UHRF2: variants seen among roughly 807,000 people sequenced by gnomAD.
UHRF2 encodes the protein ubiquitin like with PHD and ring finger domains 2.
Under a neutral mutation model 96.8 loss-of-function variants are expected in UHRF2, and 23 were observed. The ratio of observed to expected loss-of-function variants is 0.24; its 90% CI spans 0.17 to 0.34. The LOEUF is 0.34. Ranked by LOEUF, UHRF2 falls within the 10% of genes least tolerant of loss-of-function variation. The pLI is 1.00. For missense variants in UHRF2, 685 were observed against 981.5 expected, an observed-to-expected ratio of 0.70 and a Z score of 4.04; for synonymous variants, 385 against 332.6, an observed-to-expected ratio of 1.16 and a Z score of -1.72.
intron 8 of UHRF2, among the ~76,000 whole-genome samples, chr9:6,485,847 G>A (rs1480493281): frequency 2.2e-5 from 3 of 136,974 alleles, no homozygotes; most frequent in Non-Finnish European, 3.1e-5. Context: ...AAAACCAATT[G>A]TATGACCAAC....
intron 14 of UHRF2, 187 bp from the exon 15 acceptor site, chr9:6,504,406 T>C (rs556788931): frequency 3.4e-4 from 138 of 403,778 alleles, no homozygotes; most frequent in Non-Finnish European, 5.4e-4. Flanking sequence ...ACATGTGAAA[T>C]TTTGATATGT....
chr9:6,487,512 A>G (rs923435245), intron 9 of UHRF2, among the ~76,000 whole-genome samples: 1 of 152,114 alleles, frequency 6.6e-6, no homozygotes, highest in Non-Finnish European at 1.5e-5. Context: ...GATTACAAGT[A>G]TGCACCACTG....
At chr9:6,453,099 A>C (rs748386201) in intron 3 of UHRF2, among the ~76,000 whole-genome samples, 2 of 152,176 alleles carry the variant, frequency 1.3e-5, no homozygotes, top group Non-Finnish European at 2.9e-5. Context: ...TATGTGTATG[A>C]GTACAGATAG....
At chr9:6,416,529 C>G (rs987032870) in intron 1 of UHRF2, among the ~76,000 whole-genome samples, 1 of 138,244 alleles carries the variant, frequency 7.2e-6, no homozygotes, top group Non-Finnish European at 1.5e-5. Flanking sequence ...TGGTGGATCT[C>G]TAAATCTTTT....
intron 3 of UHRF2, among the ~76,000 whole-genome samples, chr9:6,436,621 A>C (rs73401678): frequency 0.019 from 2,864 of 152,334 alleles, 88 homozygotes; most frequent in African/African-American, 0.065. Flanking sequence ...AGGAACTTTA[A>C]ATAGTGAACT....
intron 4 of UHRF2, among the ~76,000 whole-genome samples, chr9:6,470,456 G>T (rs1269712565): frequency 6.6e-6 from 1 of 151,860 alleles, no homozygotes; most frequent in Non-Finnish European, 1.5e-5. Context: ...AATAAAACCT[G>T]AAAGAATTCA....
intron 13 of UHRF2, 48 bp from the exon 14 acceptor site, chr9:6,500,504 C>T (rs1816228738): frequency 6.4e-7 from 1 of 1,559,552 alleles, no homozygotes; most frequent in Non-Finnish European, 8.7e-7. Context: ...CATAGTTCTG[C>T]TTAGAACCAC....
At chr9:6,421,833 T>TA (rs569927990) in intron 2 of UHRF2, among the ~76,000 whole-genome samples, 1 of 152,220 alleles carries the variant, frequency 6.6e-6, no homozygotes, top group Non-Finnish European at 1.5e-5. Context: ...TTTTGCTACT[T>TA]ACGTATATTT....
rs559551038 is a variant in UHRF2, at chr9:6,490,232, A to G, written c.1497+3307A>G. Reference sequence around the variant, plus strand: ...GTTTCCCCATCTGTAAAAAGAAGAAATAGTATTTTATGTGGAGAAGATGAT... The same window carrying G: ...GTTTCCCCATCTGTAAAAAGAAGAAGTAGTATTTTATGTGGAGAAGATGAT... On this transcript the variant is annotated intron_variant, in intron 9 of 15. Coordinates refer to ENST00000276893, the MANE Select transcript of UHRF2 (RefSeq NM_152896.3). 5.3e-5 allele frequency among the ~76,000 whole-genome samples: 8 copies of G among 152,348 alleles called. No homozygotes were observed. The East Asian group carries it at 1.5e-3, about 29-fold the overall frequency.
chr9:6,439,671 AG>A (rs557525913), intron 3 of UHRF2, among the ~76,000 whole-genome samples: 1 of 152,316 alleles, frequency 6.6e-6, no homozygotes, highest in African/African-American at 2.4e-5. Context: ...ATCAGTACTC[AG>A]GGAGAACTTT....
In UHRF2 at chr9:6,413,520, C is replaced by G; in HGVS notation, c.30C>G (p.Gly10=). 6.3e-7 allele frequency: 1 copy of G among 1,589,572 alleles called. No individual in the cohort carries two copies. Among genetic ancestry groups the G allele is most frequent in the Non-Finnish European group, 8.6e-7 (1 of 1,169,142 alleles). ...GGATACAGGTTCGCACCATTGATGGCTCCAAGACGTGCACCATTGAGGACG... is the reference window on the plus strand; with the variant it reads ...GGATACAGGTTCGCACCATTGATGGGTCCAAGACGTGCACCATTGAGGACG... MWIQVRTID[G]SKTCTIEDVS... The change falls in exon 1 of 16, where the codon GGC becomes GGG. Residue 10 remains glycine (G), a synonymous_variant. Transcript: ENST00000276893.
chr9:6,487,529 G>C (rs1349281334), intron 9 of UHRF2, among the ~76,000 whole-genome samples: 1 of 152,166 alleles, frequency 6.6e-6, no homozygotes, highest in Non-Finnish European at 1.5e-5. Flanking sequence ...ACTGTGCCTG[G>C]CTAATTCTTG....
intron 1 of UHRF2, among the ~76,000 whole-genome samples, chr9:6,419,109 C>G (rs542375876): frequency 6.6e-6 from 1 of 152,228 alleles, no homozygotes; most frequent in Admixed American, 6.5e-5. Flanking sequence ...CTCTAAAGAC[C>G]CTATCTCAAA....
chr9:6,442,697 G>T (rs140334597), intron 3 of UHRF2, among the ~76,000 whole-genome samples: 91 of 147,870 alleles, frequency 6.2e-4, no homozygotes, highest in African/African-American at 2.2e-3. Flanking sequence ...TCACTTTGTT[G>T]CCCAGGCTGG....
At position 6,487,019 on chromosome 9, in the gene UHRF2, C is replaced by G. The variant is rs1824329110; in HGVS notation, c.1497+94C>G. ...TAGGATACATCAAATACTGTTGTGT[C>G]TTTTTAGCACAGTTTTTGTTGAAGT... On this transcript the variant is annotated intron_variant, in intron 9 of 15. Transcript: ENST00000276893. 9 of 1,131,068 alleles carry G rather than the reference C, an allele frequency of 8.0e-6. No homozygotes were observed. In the South Asian group the frequency reaches 1.1e-4, roughly 14 times the overall value. 70.1% of individuals were successfully genotyped at this position (1,131,068 alleles called of 1,614,324 possible). A position where few individuals can be genotyped will look rare whatever the true frequency, so the allele number is the denominator to read the frequency against.
intron 1 of UHRF2, 51 bp downstream of exon 1, chr9:6,413,694 G>GGCTC: frequency 6.7e-7 from 1 of 1,484,438 alleles, no homozygotes; most frequent in Non-Finnish European, 8.9e-7. Context: ...GGAACAGCTG[G>GGCTC]GCTCCTCTGG....
In UHRF2 at chr9:6,501,806, C is replaced by G. The variant is rs141015510; in HGVS notation, c.2163+1097C>G. On this transcript the variant is annotated intron_variant, in intron 14 of 15. Transcript: ENST00000276893. Reference sequence around the variant, plus strand: ...TTATAGGAAATTAAGATACAGGAAGCAGTTGTTAATCAGCCTAATTATTCT... The same window carrying G: ...TTATAGGAAATTAAGATACAGGAAGGAGTTGTTAATCAGCCTAATTATTCT... Among the ~76,000 whole-genome samples, 34 of 152,302 alleles carry G rather than the reference C, an allele frequency of 2.2e-4. No homozygotes were observed. In the South Asian group the frequency reaches 3.1e-3, roughly 14 times the overall value.
chr9:6,473,911 T>C (rs765411015), intron 4 of UHRF2, among the ~76,000 whole-genome samples: 3 of 152,190 alleles, frequency 2.0e-5, no homozygotes, highest in Non-Finnish European at 4.4e-5. Context: ...AATGCAAATA[T>C]CAAAAATCAA....
In UHRF2 at chr9:6,461,011, T is replaced by A. The variant is rs1822502972; in HGVS notation, c.863+220T>A. ...AGGTTGGAGATACTGTTTGGAAGAA[T>A]GTTGGAAATAACTGAGTGTTTTATT... On this transcript the variant is annotated intron_variant, in intron 4 of 15. Transcript: ENST00000276893. Among the ~76,000 whole-genome samples, 3 of 152,322 alleles carry A rather than the reference T, an allele frequency of 2.0e-5. No individual in the cohort carries two copies. The South Asian group carries it at 6.2e-4, about 32-fold the overall frequency.
Sources: allele counts gnomAD v4.1 joint callset (sites outside exome capture counted in the v4.1 genomes callset), GRCh38; gene constraint gnomAD v4.1.1; transcripts MANE v1.5; gene names NCBI Gene and HGNC (gene_info 2026-07-23, HGNC 2026-07-21).